Variants in SORCS3 observed in about 807,000 individuals in gnomAD.
SORCS3 encodes VPS10 domain-containing receptor SorCS3.
A neutral mutation model predicts 146.3 loss-of-function variants in SORCS3; 57 were observed. That is an observed-to-expected ratio of 0.39 (90% CI 0.31 to 0.49). The LOEUF is 0.49. Ranked by LOEUF, SORCS3 falls within the 20% of genes least tolerant of loss-of-function variation. The pLI is 0.92. For missense variants in SORCS3, 1,341 were observed against 1,575.5 expected (o/e 0.85, Z 2.52); for synonymous variants, 653 against 618.5 (o/e 1.06, Z -0.83).
intron 22 of SORCS3, among the ~76,000 whole-genome samples, chr10:105,247,763 G>T (rs962457630): frequency 2.0e-5 from 3 of 151,902 alleles, no homozygotes; most frequent in East Asian, 3.9e-4. Flanking sequence ...AGAAGAAGAA[G>T]AAGAAGAAAA....
chr10:104,811,016 TA>T (rs1158475169), intron 1 of SORCS3, among the ~76,000 whole-genome samples: 1 of 152,112 alleles, frequency 6.6e-6, no homozygotes, highest in African/African-American at 2.4e-5. Context: ...AACAAAATTC[TA>T]AAAATGATTA....
intron 1 of SORCS3, among the ~76,000 whole-genome samples, chr10:104,787,363 T>C (rs1251916127): frequency 6.6e-6 from 1 of 152,254 alleles, no homozygotes; most frequent in African/African-American, 2.4e-5. Flanking sequence ...TGCAGAATGA[T>C]GAAGACCTTT....
intron 1 of SORCS3, among the ~76,000 whole-genome samples, chr10:104,720,818 G>A (rs1208575929): frequency 6.6e-6 from 1 of 152,120 alleles, no homozygotes; most frequent in Non-Finnish European, 1.5e-5. Context: ...CTTGTTGATG[G>A]GGTTGTTTGT....
chr10:104,688,485 C>T (rs1205942667), intron 1 of SORCS3, among the ~76,000 whole-genome samples: 1 of 152,142 alleles, frequency 6.6e-6, no homozygotes, highest in Non-Finnish European at 1.5e-5. Context: ...AGAGTAGCAG[C>T]GTGTGTGGAT....
chr10:104,742,875 G>C (rs1348846983), intron 1 of SORCS3, among the ~76,000 whole-genome samples: 2 of 152,186 alleles, frequency 1.3e-5, no homozygotes, highest in Middle Eastern at 6.3e-3. Flanking sequence ...GACTCCGTAA[G>C]ACTGGCCACA....
chr10:104,814,912 T>G (rs2017779903), intron 1 of SORCS3, among the ~76,000 whole-genome samples: 1 of 152,200 alleles, frequency 6.6e-6, no homozygotes. Flanking sequence ...GTTAGGATCC[T>G]TCCTTTCTGT....
At chr10:105,162,179 A>G (rs920482555) in intron 11 of SORCS3, among the ~76,000 whole-genome samples, 1 of 152,172 alleles carries the variant, frequency 6.6e-6, no homozygotes, top group African/African-American at 2.4e-5. Flanking sequence ...TTAATATTTA[A>G]GGAGCAGAGA....
chr10:104,642,015 T>TGGGGG, intron 1 of SORCS3, 61 bp downstream of exon 1: 4 of 72,126 alleles, frequency 5.5e-5, no homozygotes, highest in South Asian at 6.8e-5. Context: ...AATGGGGGGG[T>TGGGGG]GGGTGGGAGC....
intron 1 of SORCS3, among the ~76,000 whole-genome samples, chr10:104,698,305 T>C (rs1000785459): frequency 6.6e-6 from 1 of 152,160 alleles, no homozygotes; most frequent in African/African-American, 2.4e-5. Flanking sequence ...CAAGCCCTGA[T>C]TTCCTGTTTT....
intron 1 of SORCS3, among the ~76,000 whole-genome samples, chr10:104,792,692 G>C (rs924223052): frequency 2.0e-5 from 3 of 152,162 alleles, no homozygotes; most frequent in African/African-American, 7.2e-5. Flanking sequence ...TTCTTTGAAA[G>C]ATTTTTTGAA....
At chr10:104,895,686 A>C (rs1015791981) in intron 2 of SORCS3, among the ~76,000 whole-genome samples, 6 of 152,108 alleles carry the variant, frequency 3.9e-5, no homozygotes, top group Non-Finnish European at 7.4e-5. Context: ...TCTGGCTTTG[A>C]TGGCAAGGAA....
At chr10:104,677,831 C>G (rs1403403087) in intron 1 of SORCS3, among the ~76,000 whole-genome samples, 6 of 152,136 alleles carry the variant, frequency 3.9e-5, no homozygotes, top group Non-Finnish European at 8.8e-5. Context: ...GATCATCCAT[C>G]TTCATTCCTG....
intron 3 of SORCS3, among the ~76,000 whole-genome samples, chr10:104,930,914 G>A (rs1016513010): frequency 6.6e-6 from 1 of 152,168 alleles, no homozygotes; most frequent in Non-Finnish European, 1.5e-5. Flanking sequence ...CTTAGTGAGT[G>A]ACCAACCCGT....
intron 1 of SORCS3, among the ~76,000 whole-genome samples, chr10:104,725,313 T>C (rs917069221): frequency 1.3e-5 from 2 of 152,236 alleles, no homozygotes; most frequent in South Asian, 4.1e-4. Context: ...TAGCAAATGT[T>C]GCTGCCTGAT....
chr10:104,663,248 A>T (rs2133250128), intron 1 of SORCS3, among the ~76,000 whole-genome samples: 1 of 152,138 alleles, frequency 6.6e-6, no homozygotes, highest in Admixed American at 6.5e-5. Context: ...AACCACCAAC[A>T]CCACACAAAC....
At chr10:104,737,874 G>T (rs2016793971) in intron 1 of SORCS3, among the ~76,000 whole-genome samples, 1 of 149,420 alleles carries the variant, frequency 6.7e-6, no homozygotes, top group South Asian at 2.2e-4. Context: ...GAATGGTAAT[G>T]CCTAGGTTTT....
At chr10:104,799,835 C>T (rs1281052176) in intron 1 of SORCS3, among the ~76,000 whole-genome samples, 1 of 151,996 alleles carries the variant, frequency 6.6e-6, no homozygotes, top group Non-Finnish European at 1.5e-5. Flanking sequence ...ACCACCACGC[C>T]TGCCTAATTT....
intron 5 of SORCS3, among the ~76,000 whole-genome samples, chr10:105,084,497 T>C (rs1369380959): frequency 6.6e-6 from 1 of 152,196 alleles, no homozygotes; most frequent in African/African-American, 2.4e-5. Flanking sequence ...TTTCTACAAG[T>C]GGAGACTTGG....
intron 2 of SORCS3, among the ~76,000 whole-genome samples, chr10:104,888,617 A>T (rs1248003844): frequency 6.6e-6 from 1 of 152,230 alleles, no homozygotes; most frequent in African/African-American, 2.4e-5. Flanking sequence ...GGAAATTTGT[A>T]GATTACCTCC....
Sources: gnomAD v4.1 joint callset for allele counts (sites outside exome capture counted in the v4.1 genomes callset) on GRCh38, gnomAD v4.1.1 for gene constraint, MANE v1.5 for transcripts, NCBI Gene and HGNC (gene_info 2026-07-23, HGNC 2026-07-21) for gene names.